Variants in ZNF417 observed in about 807,000 individuals in gnomAD.
The protein encoded by ZNF417 is zinc finger protein 417.
In ZNF417, 5 loss-of-function variants were observed where a neutral mutation model predicts 7.4. That is an observed-to-expected ratio of 0.68 (90% CI 0.35 to 1.43). The LOEUF (loss-of-function observed/expected upper bound fraction) is 1.43, where lower values mean the gene tolerates loss of function less well. Ranked by LOEUF, ZNF417 falls within the 40% of genes most tolerant of loss-of-function variation. ZNF417 has a pLI of 0.04. For synonymous variants in ZNF417, 147 were observed against 239.1 expected, an observed-to-expected ratio of 0.61 and a Z score of 3.55; for missense variants, 437 against 697.3, an observed-to-expected ratio of 0.63 and a Z score of 4.20.
At position 57,905,975 on chromosome 19, in the gene ZNF417, G is replaced by GT. The variant is rs58495174; in HGVS notation, c.*2574dup. Among the ~76,000 whole-genome samples the GT allele has an allele frequency of 0.25, 38,400 of 151,672 alleles. 5,282 individuals are homozygous for GT. Among genetic ancestry groups the GT allele is most frequent in the Non-Finnish European group, 0.31 (21,235 of 67,900 alleles). On this transcript the variant is annotated 3_prime_UTR_variant, in exon 3 of 3. Coordinates refer to ENST00000312026, the MANE Select transcript of ZNF417 (RefSeq NM_152475.3). ...TGTAGTTTATGAAGAAAAAAGTTTT[G>GT]TTTTTTTTGAGGCAGGGCCTTGCTC...
rs955666703 is a variant in ZNF417 at position 57,907,285 on chromosome 19, C to T, written c.*1265G>A. The T allele has an allele frequency of 2.6e-5, 4 of 152,434 alleles. No individual in the cohort carries two copies. The highest frequency in any genetic ancestry group is 9.6e-5 in the African/African-American group (4 of 41,548). The allele number at this position is 152,434 out of a possible 1,614,324, so 9.4% of individuals were successfully genotyped here. A position where few individuals can be genotyped will look rare whatever the true frequency, so the allele number is the denominator to read the frequency against. On this transcript the variant is annotated 3_prime_UTR_variant, in exon 3 of 3. Transcript: ENST00000312026. ...TCCATGAAGCATCTTAGTAAAATAA[C>T]AGATATTCCATTTGCAAATTATGCT... is the stretch of plus-strand genomic sequence containing the variant.
intron 1 of ZNF417, 77 bp from the exon 2 acceptor site, chr19:57,912,266 C>A: frequency 6.3e-7 from 1 of 1,588,612 alleles, no homozygotes; most frequent in Non-Finnish European, 8.6e-7. Context: ...CACACCCACA[C>A]TTGCCCATCC....
chr19:57,913,888 C>G (rs1366910332), intron 1 of ZNF417, among the ~76,000 whole-genome samples: 1 of 152,148 alleles, frequency 6.6e-6, no homozygotes, highest in Admixed American at 6.6e-5. Context: ...AGCATGTCCT[C>G]CTAAATGGAC....
intron 2 of ZNF417, among the ~76,000 whole-genome samples, chr19:57,910,942 G>A (rs550304906): frequency 1.7e-4 from 26 of 152,302 alleles, no homozygotes; most frequent in African/African-American, 1.9e-4. Context: ...CTACTTGGGC[G>A]GCTGAGGCAG....
At chr19:57,911,758 T>C (rs543802710) in intron 2 of ZNF417, among the ~76,000 whole-genome samples, 2 of 152,286 alleles carry the variant, frequency 1.3e-5, no homozygotes, top group Non-Finnish European at 2.9e-5. Context: ...GAAGTGTTAA[T>C]AGAACCTGGG....
intron 1 of ZNF417, chr19:57,915,461 G>A (rs1250897330): frequency 8.2e-6 from 4 of 485,942 alleles, no homozygotes; most frequent in Non-Finnish European, 1.5e-5. Flanking sequence ...GCCCCTCCCT[G>A]TGCTTGTTGC....
rs773479888 is a variant in ZNF417, at chr19:57,909,439, T to C, written c.839A>G (p.Lys280Arg). ...TCGCTGATGTTGAATAAGGCTGCTC[T>C]TTCGACTATAAGATTTCCCACACTC... Reference protein sequence around the residue: ...CGECGKSYSRKSSLIQHQRVH... With the variant: ...CGECGKSYSRRSSLIQHQRVH... The change falls in exon 3 of 3, where the codon AAG becomes AGG. Residue 280 changes from lysine to arginine, a missense_variant. By Grantham distance (26) the Lys-to-Arg change is conservative. This residue lies in a region of ZNF417 where 34 missense variants were observed against 33.3 expected (regional missense o/e 1.02). Transcript: ENST00000312026. 25 of 1,613,954 alleles carry C rather than the reference T, an allele frequency of 1.5e-5. No individual in the cohort carries two copies. The South Asian group carries it at 2.4e-4, about 16-fold the overall frequency.
rs567232455 is a variant in ZNF417, at chr19:57,916,544, G to C, written c.-133C>G. On this transcript the variant is annotated 5_prime_UTR_variant, in exon 1 of 3. Transcript: ENST00000312026. ...ACCGCGGTCCCCCCCCAGCACTCAG[G>C]GGCCACAAACTGGGGAAACACCCGC... The C allele has an allele frequency of 5.2e-6, 8 of 1,536,228 alleles. No homozygotes were observed. The highest frequency in any genetic ancestry group is 4.1e-5 in the African/African-American group (3 of 72,976).
chr19:57,914,590 C>T (rs1198273623), intron 1 of ZNF417, among the ~76,000 whole-genome samples: 5 of 151,470 alleles, frequency 3.3e-5, no homozygotes, highest in Admixed American at 1.3e-4. Flanking sequence ...CGTATCTGAT[C>T]CACTAACCCT....
chr19:57,915,024 G>T (rs937873947), intron 1 of ZNF417, among the ~76,000 whole-genome samples: 27 of 152,196 alleles, frequency 1.8e-4, no homozygotes, highest in Non-Finnish European at 3.4e-4. Flanking sequence ...TCTGCAGCCA[G>T]GAGTGCCTGA....
In ZNF417 at chr19:57,906,258, T is replaced by A. The variant is rs1228412737; in HGVS notation, c.*2292A>T. 6.6e-6 allele frequency among the ~76,000 whole-genome samples: 1 copy of A among 152,188 alleles called. No individual in the cohort carries two copies. The highest frequency in any genetic ancestry group is 1.5e-5 in the Non-Finnish European group (1 of 68,042). ...TAAAAATCATCAAAGATCTTTCCAG[T>A]GAGAAGGATGAAAAATATTACTGAG... On this transcript the variant is annotated 3_prime_UTR_variant, in exon 3 of 3. Coordinates refer to ENST00000312026, the MANE Select transcript of ZNF417 (RefSeq NM_152475.3).
rs2071844051 is a variant in ZNF417, at chr19:57,907,495, C to T, written c.*1055G>A. 6.5e-6 allele frequency: 1 copy of T among 154,792 alleles called. No homozygotes were observed. The highest frequency in any genetic ancestry group is 2.4e-5 in the African/African-American group (1 of 41,510). 9.6% of individuals were successfully genotyped at this position (154,792 alleles called of 1,614,324 possible). ...AAGAATAATTCAGAGTGAGAGGAAACAAGAGAGATTCTAGGCAGCCCTCAG... is the reference window on the plus strand; with the variant it reads ...AAGAATAATTCAGAGTGAGAGGAAATAAGAGAGATTCTAGGCAGCCCTCAG... On this transcript the variant is annotated 3_prime_UTR_variant, in exon 3 of 3. Transcript: ENST00000312026.
chr19:57,911,641 G>T (rs1052692824), intron 2 of ZNF417, among the ~76,000 whole-genome samples: 25 of 152,088 alleles, frequency 1.6e-4, no homozygotes, highest in African/African-American at 6.0e-4. Context: ...TCCTAAGCAG[G>T]GTCTTGCAAG....
At chr19:57,916,224 CACTGGACAGTTACACAGGGACCCCT>C (rs1313235113) in intron 1 of ZNF417, among the ~76,000 whole-genome samples, 130 bp downstream of exon 1, 4 of 147,082 alleles carry the variant, frequency 2.7e-5, no homozygotes, top group African/African-American at 1.1e-4. Flanking sequence ...CAGGGACCCC[CACTGGACAGTTACACAGGGACCCCT>C]CCTGCGAGCG....
Position 57,906,418 on chromosome 19 carries a change from A to C in ZNF417, c.*2132T>G, listed in dbSNP as rs934233221. The stretch of plus-strand genomic sequence containing the variant: ...ATTTGTAACTTACAATCTTATTCAC[A>C]TTTCTCAAGTGCCATGCCTTTAGGT... On this transcript the variant is annotated 3_prime_UTR_variant, in exon 3 of 3. Coordinates refer to ENST00000312026, the MANE Select transcript of ZNF417 (RefSeq NM_152475.3). 3.3e-5 allele frequency among the ~76,000 whole-genome samples: 5 copies of C among 151,940 alleles called. No homozygotes were observed. Among genetic ancestry groups the C allele is most frequent in the Non-Finnish European group, 5.9e-5 (4 of 68,004 alleles).
chr19:57,915,696 G>C (rs777049778), intron 1 of ZNF417: 198 of 398,632 alleles, frequency 5.0e-4, no homozygotes, highest in Admixed American at 7.0e-4. Context: ...GCCCTTTCCT[G>C]AAAAGACCCC....
In ZNF417 at chr19:57,907,324, A is replaced by G. The variant is rs770876718; in HGVS notation, c.*1226T>C. The G allele has an allele frequency of 4.6e-5, 7 of 152,802 alleles. No individual in the cohort carries two copies. Among genetic ancestry groups the G allele is most frequent in the Non-Finnish European group, 1.0e-4 (7 of 68,216 alleles). The allele number at this position is 152,802 out of a possible 1,614,324, so 9.5% of individuals were successfully genotyped here. ...GCAAATTATGCTCCCCAAAAAACACAAACACATATGTAAAAAATGTTATAA... is the reference window on the plus strand; with the variant it reads ...GCAAATTATGCTCCCCAAAAAACACGAACACATATGTAAAAAATGTTATAA... On this transcript the variant is annotated 3_prime_UTR_variant, in exon 3 of 3. Coordinates refer to ENST00000312026, the MANE Select transcript of ZNF417 (RefSeq NM_152475.3).
chr19:57,915,808 T>C (rs2071942473), intron 1 of ZNF417: 3 of 414,874 alleles, frequency 7.2e-6, no homozygotes, highest in Non-Finnish European at 1.3e-5. Flanking sequence ...TCCAAGAGTC[T>C]GAACCTCCCC....
At position 57,912,089 on chromosome 19, in the gene ZNF417, A is replaced by G. The variant is rs1186174821; in HGVS notation, c.134T>C (p.Leu45Pro). ...CGAGGATATGAGAGCCAGGTTCTCT[A>G]GCATCACATCACGGTACAAGCACCT... ...AQRCLYRDVM[L>P]ENLALISSLG... The change falls in exon 2 of 3, where the codon CTA becomes CCA. Residue 45 changes from leucine (L) to proline (P), a missense_variant. Leu to Pro is a moderately conservative substitution (Grantham distance 98). Transcript: ENST00000312026. 6.3e-7 allele frequency: 1 copy of G among 1,599,180 alleles called. No individual in the cohort carries two copies. The highest frequency in any genetic ancestry group is 8.5e-7 in the Non-Finnish European group (1 of 1,170,534).
Sources: gnomAD v4.1 joint callset for allele counts (sites outside exome capture counted in the v4.1 genomes callset) on GRCh38, gnomAD v4.1.1 for gene constraint, gnomAD v4.1.1 regional missense constraint, MANE v1.5 for transcripts, NCBI Gene and HGNC (gene_info 2026-07-23, HGNC 2026-07-21) for gene names.